The following PRKG1 variants were observed in gnomAD, a reference collection of about 807,000 sequenced individuals.
PRKG1 encodes the protein protein kinase cGMP-dependent 1.
PRKG1 carries 35 observed loss-of-function variants against 88.1 expected under a neutral mutation model. The observed-to-expected ratio is 0.40, with a 90% CI of 0.30 to 0.53. The LOEUF (loss-of-function observed/expected upper bound fraction) is 0.53, where lower values mean the gene tolerates loss of function less well. Ranked by LOEUF, PRKG1 falls within the 20% of genes least tolerant of loss-of-function variation. The pLI is 0.59. For synonymous variants in PRKG1, 303 were observed against 292.5 expected (o/e 1.04, Z -0.37); for missense variants, 540 against 839.8 (o/e 0.64, Z 4.41).
chr10:51,957,261 G>GTCTTTT (rs1843336413), intron 5 of PRKG1, among the ~76,000 whole-genome samples: 1 of 141,164 alleles, frequency 7.1e-6, no homozygotes, highest in African/African-American at 2.7e-5. Context: ...TTCATACATA[G>GTCTTTT]CTTTTCCTTT....
intron 10 of PRKG1, among the ~76,000 whole-genome samples, chr10:52,255,837 A>G (rs1278164377): frequency 6.6e-6 from 1 of 152,046 alleles, no homozygotes; most frequent in Non-Finnish European, 1.5e-5. Flanking sequence ...CTATTGAAGA[A>G]ACAAATGTTT....
rs1441277871 is a variant in PRKG1, at chr10:52,036,639, G to A, written c.763-17845G>A. 7.2e-5 allele frequency among the ~76,000 whole-genome samples: 11 copies of A among 151,772 alleles called. 1 individual carries two copies. The highest frequency in any genetic ancestry group is 2.1e-4 in the South Asian group (1 of 4,812). ...AGGTGGGGGGATACAAGAGGAGGAC[G>A]CAAAGGAGGCTTTGGATTGGGAAGA... On this transcript the variant is annotated intron_variant, in intron 5 of 17. Coordinates refer to ENST00000373980, the MANE Select transcript of PRKG1 (RefSeq NM_006258.4).
At chr10:51,219,506 GA>G (rs1838466696) in intron 2 of PRKG1, among the ~76,000 whole-genome samples, 1 of 151,840 alleles carries the variant, frequency 6.6e-6, no homozygotes, top group African/African-American at 2.4e-5. Flanking sequence ...TCAGGGGTTT[GA>G]GACCAGCCTG....
At chr10:52,163,468 A>C (rs1327313476) in intron 9 of PRKG1, among the ~76,000 whole-genome samples, 1 of 151,860 alleles carries the variant, frequency 6.6e-6, no homozygotes, top group Non-Finnish European at 1.5e-5. Context: ...ACTATTAATT[A>C]ATAGAAAAAT....
intron 7 of PRKG1, among the ~76,000 whole-genome samples, chr10:52,122,549 GAGA>G (rs1442697904): frequency 6.6e-6 from 1 of 152,236 alleles, no homozygotes; most frequent in Admixed American, 6.5e-5. Context: ...ATATGGCTCA[GAGA>G]AGAAGAATAG....
intron 3 of PRKG1, among the ~76,000 whole-genome samples, chr10:51,574,818 G>A (rs759620399): frequency 5.1e-4 from 78 of 151,986 alleles, no homozygotes; most frequent in Admixed American, 1.2e-3. Flanking sequence ...TTATATACAT[G>A]AGATCACCTG....
intron 1 of PRKG1, among the ~76,000 whole-genome samples, chr10:51,032,739 G>T (rs2339681): frequency 0.88 from 133,732 of 152,150 alleles, 58,868 homozygotes; most frequent in East Asian, 0.93. Flanking sequence ...ATGCAGTGGG[G>T]GGGTGACTCT....
At chr10:52,174,991 C>A (rs891638648) in intron 9 of PRKG1, among the ~76,000 whole-genome samples, 47 of 152,020 alleles carry the variant, frequency 3.1e-4, no homozygotes, top group Admixed American at 1.6e-3. Flanking sequence ...TATGATTTCT[C>A]TGTGTTGGGA....
intron 1 of PRKG1, among the ~76,000 whole-genome samples, chr10:51,107,339 G>A (rs752584667): frequency 3.9e-5 from 6 of 151,956 alleles, no homozygotes; most frequent in Non-Finnish European, 7.4e-5. Flanking sequence ...TTTTATAGTG[G>A]GGTGCGATAT....
At chr10:51,471,387 C>T (rs73336233) in intron 3 of PRKG1, among the ~76,000 whole-genome samples, 1 of 151,800 alleles carries the variant, frequency 6.6e-6, no homozygotes, top group African/African-American at 2.4e-5. Flanking sequence ...CCGTTTTCAA[C>T]CCCACAGGGG....
At chr10:52,270,959 C>T (rs1302754682) in intron 10 of PRKG1, among the ~76,000 whole-genome samples, 1 of 151,574 alleles carries the variant, frequency 6.6e-6, no homozygotes, top group East Asian at 1.9e-4. Context: ...CCCATATAAC[C>T]CTATTTTTGG....
chr10:51,142,526 T>TAGAG (rs199711366), intron 1 of PRKG1, among the ~76,000 whole-genome samples: 3 of 149,524 alleles, frequency 2.0e-5, no homozygotes, highest in East Asian at 3.9e-4. Context: ...GACACAGACA[T>TAGAG]AGAGAGAGAG....
intron 2 of PRKG1, among the ~76,000 whole-genome samples, chr10:51,420,078 T>A (rs1436769779): frequency 6.6e-6 from 1 of 152,104 alleles, no homozygotes; most frequent in African/African-American, 2.4e-5. Flanking sequence ...GGGAGTAAAG[T>A]CACTGTTTTT....
chr10:52,279,744 T>C (rs2132445916), intron 12 of PRKG1, among the ~76,000 whole-genome samples: 1 of 152,264 alleles, frequency 6.6e-6, no homozygotes, highest in East Asian at 1.9e-4. Flanking sequence ...ACACTGTCTA[T>C]TAATAAAATC....
intron 2 of PRKG1, among the ~76,000 whole-genome samples, chr10:51,164,169 T>A (rs1846458316): frequency 6.6e-6 from 1 of 152,040 alleles, no homozygotes; most frequent in Non-Finnish European, 1.5e-5. Context: ...GACTGACACC[T>A]CACATGGCTG....
intron 5 of PRKG1, among the ~76,000 whole-genome samples, chr10:52,045,640 G>T (rs914721868): frequency 6.6e-6 from 1 of 152,028 alleles, no homozygotes; most frequent in Non-Finnish European, 1.5e-5. Context: ...GGCAAGTTTG[G>T]TGTCTTGAGG....
intron 9 of PRKG1, among the ~76,000 whole-genome samples, chr10:52,244,876 A>C (rs1840980599): frequency 7.3e-6 from 1 of 136,296 alleles, no homozygotes; most frequent in Non-Finnish European, 1.6e-5. Flanking sequence ...ATATTATAAA[A>C]TATTTAAATA....
intron 9 of PRKG1, among the ~76,000 whole-genome samples, chr10:52,173,227 T>C (rs371076224): frequency 6.6e-6 from 1 of 152,200 alleles, no homozygotes; most frequent in Admixed American, 6.5e-5. Flanking sequence ...TATTCAAAAA[T>C]TTTTTATCAA....
At chr10:52,089,368 G>A (rs2133319627) in intron 7 of PRKG1, among the ~76,000 whole-genome samples, 2 of 152,198 alleles carry the variant, frequency 1.3e-5, no homozygotes, top group Middle Eastern at 6.8e-3. Flanking sequence ...CATTTGGTTG[G>A]CCATTCTCAG....
Sources: gnomAD v4.1 joint callset for allele counts (sites outside exome capture counted in the v4.1 genomes callset) on GRCh38, gnomAD v4.1.1 for gene constraint, MANE v1.5 for transcripts, NCBI Gene and HGNC (gene_info 2026-07-23, HGNC 2026-07-21) for gene names.